ACACB: variants seen among roughly 807,000 people sequenced by gnomAD.
The protein encoded by ACACB is acetyl-CoA carboxylase beta.
In ACACB, 209 loss-of-function variants were observed where a neutral mutation model predicts 278.8. The observed-to-expected ratio is 0.75, with a 90% CI of 0.67 to 0.84. ACACB has a LOEUF of 0.84. ACACB is among the 40% of genes least tolerant of loss of function. The probability of loss-of-function intolerance (pLI) is 0.00; values close to 1 mark genes in which losing one functional copy is unlikely to be tolerated. For missense variants in ACACB, 2,850 were observed against 3,269.0 expected, an observed-to-expected ratio of 0.87 and a Z score of 3.13; for synonymous variants, 1,174 against 1,285.6, an observed-to-expected ratio of 0.91 and a Z score of 1.86.
At chr12:109,251,856 G>A (rs957198349) in intron 41 of ACACB, among the ~76,000 whole-genome samples, 190 bp from the exon 42 acceptor site, 14 of 152,164 alleles carry the variant, frequency 9.2e-5, no homozygotes, top group Admixed American at 8.5e-4. Flanking sequence ...TTTCCAGATA[G>A]GAATCCAAGC....
chr12:109,255,731 G>A (rs1330980902), intron 44 of ACACB, among the ~76,000 whole-genome samples: 1 of 152,218 alleles, frequency 6.6e-6, no homozygotes, highest in Non-Finnish European at 1.5e-5. Context: ...TGGTTATGAA[G>A]CTGCAGCCAG....
At chr12:109,148,820 G>T (rs1244966331) in intron 2 of ACACB, among the ~76,000 whole-genome samples, 1 of 152,130 alleles carries the variant, frequency 6.6e-6, no homozygotes, top group Non-Finnish European at 1.5e-5. Context: ...GTATGTGTTT[G>T]TATGTGTGTG....
At chr12:109,223,065 G>T (rs112389937) in intron 26 of ACACB, among the ~76,000 whole-genome samples, 153 bp downstream of exon 26, 2 of 152,146 alleles carry the variant, frequency 1.3e-5, no homozygotes, top group African/African-American at 4.8e-5. Flanking sequence ...TGTGGCCAGG[G>T]CTGCCCGAGG....
At position 109,179,221 on chromosome 12, in the gene ACACB, A is replaced by G; in HGVS notation, c.1571A>G (p.Gln524Arg). Residue 524 changes from glutamine to arginine, a missense_variant, in exon 10 of 53, where the codon CAG (glutamine) becomes CGG (arginine). By Grantham distance (43) the Gln-to-Arg change is conservative. Transcript: ENST00000338432. ...CTGTTTGGTCGCGACTGCTCCATCC[A>G]GCGGCGGCATCAGAAGATCGTTGAG... ...VSLFGRDCSIQRRHQKIVEEA... is the reference protein window; with the variant it reads ...VSLFGRDCSIRRRHQKIVEEA... 1 of 1,614,144 alleles carries G rather than the reference A, an allele frequency of 6.2e-7. No homozygotes were observed. The highest frequency in any genetic ancestry group is 8.5e-7 in the Non-Finnish European group (1 of 1,180,028).
In ACACB at chr12:109,166,669, AAAAAAAAAC is replaced by A. The variant is rs1156681496; in HGVS notation, c.654-191_654-183del. Among the ~76,000 whole-genome samples the A allele has an allele frequency of 4.1e-4, 60 of 145,224 alleles. 6 individuals carry two copies. Among genetic ancestry groups the A allele is most frequent in the Non-Finnish European group, 7.9e-4 (52 of 65,980 alleles). The stretch of plus-strand genomic sequence containing the variant: ...CGTCTCAAAAAAAAAAAAAAAAAAA[AAAAAAAAAC>A]CGAAGGTGCTTCCTGCCCTTGAGCC... On this transcript the variant is annotated intron_variant, in intron 2 of 52. Coordinates refer to ENST00000338432, the MANE Select transcript of ACACB (RefSeq NM_001093.4).
At chr12:109,208,326 C>T (rs1246151689) in intron 20 of ACACB, among the ~76,000 whole-genome samples, 1 of 151,802 alleles carries the variant, frequency 6.6e-6, no homozygotes, top group Non-Finnish European at 1.5e-5. Flanking sequence ...AGCAATCATC[C>T]CACTTCAGCC....
chr12:109,127,110 C>T (rs1654871), intron 1 of ACACB, among the ~76,000 whole-genome samples: 15,200 of 152,166 alleles, frequency 0.1, 1,387 homozygotes, highest in African/African-American at 0.24. Context: ...TTTTCAGGCT[C>T]TGATTCCACC....
At chr12:109,216,299 G>A (rs1258011320) in intron 22 of ACACB, among the ~76,000 whole-genome samples, 4 of 144,394 alleles carry the variant, frequency 2.8e-5, no homozygotes, top group Admixed American at 7.3e-5. Context: ...TCGGCTCACT[G>A]CAACCTCCTC....
At chr12:109,139,373 A>G (rs376458298) in intron 1 of ACACB, 24 bp from the exon 2 acceptor site, 128 of 1,581,114 alleles carry the variant, frequency 8.1e-5, no homozygotes, top group Non-Finnish European at 1.1e-4. Flanking sequence ...AAATCCTAAA[A>G]TGTCTCTCCT....
At chr12:109,228,533 C>T (rs1442460116) in intron 28 of ACACB, among the ~76,000 whole-genome samples, 1 of 150,830 alleles carries the variant, frequency 6.6e-6, no homozygotes, top group Non-Finnish European at 1.5e-5. Flanking sequence ...TGGCACACCC[C>T]TGTAATCCCA....
At chr12:109,250,186 A>C in intron 41 of ACACB, 82 bp downstream of exon 41, 1 of 1,409,526 alleles carries the variant, frequency 7.1e-7, no homozygotes, top group Middle Eastern at 2.6e-4. Context: ...GAGAGAATCA[A>C]TAATAAGCCC....
At chr12:109,264,466 C>T (rs1414967212) in intron 50 of ACACB, 80 bp downstream of exon 50, 12 of 687,276 alleles carry the variant, frequency 1.7e-5, no homozygotes, top group South Asian at 8.8e-5. Flanking sequence ...GGCTCGGGGG[C>T]GGGGAGGGCG....
At chr12:109,210,020 C>CACGT (rs2045669796) in intron 21 of ACACB, among the ~76,000 whole-genome samples, 3 of 106,874 alleles carry the variant, frequency 2.8e-5, no homozygotes, top group Admixed American at 1.7e-4. Flanking sequence ...TATATACACA[C>CACGT]GTGTGTATAT....
chr12:109,246,943 G>A (rs1162768058), intron 39 of ACACB, among the ~76,000 whole-genome samples: 1 of 152,138 alleles, frequency 6.6e-6, no homozygotes, highest in Non-Finnish European at 1.5e-5. Context: ...GCATGATGGT[G>A]CCTGCCTGTA....
chr12:109,179,357 G>C, intron 10 of ACACB, 60 bp downstream of exon 10: 1 of 1,542,476 alleles, frequency 6.5e-7, no homozygotes, highest in Non-Finnish European at 8.8e-7. Context: ...TCAGAGTCAG[G>C]AAGAACTTTC....
chr12:109,240,083 C>A, intron 35 of ACACB, 98 bp downstream of exon 35: 1 of 1,424,234 alleles, frequency 7.0e-7, no homozygotes, highest in South Asian at 1.4e-5. Flanking sequence ...GACCTGGGTT[C>A]CAGGATGAAA....
intron 47 of ACACB, 118 bp from the exon 48 acceptor site, chr12:109,260,362 T>C: frequency 1.5e-6 from 2 of 1,320,850 alleles, no homozygotes; most frequent in Middle Eastern, 2.3e-4. Context: ...CCCAGCCCAG[T>C]GCTCTCCAAG....
chr12:109,260,737 G>C, intron 48 of ACACB, 80 bp downstream of exon 48: 2 of 1,354,600 alleles, frequency 1.5e-6, no homozygotes, highest in South Asian at 4.0e-5. Context: ...GGAGATCATG[G>C]AGGGATGCAG....
At chr12:109,255,542 C>T (rs566998399) in intron 44 of ACACB, among the ~76,000 whole-genome samples, 6 of 152,324 alleles carry the variant, frequency 3.9e-5, no homozygotes, top group South Asian at 4.1e-4. Flanking sequence ...GCCTGGGTGC[C>T]GGGCCTCCCA....
Sources: allele counts gnomAD v4.1 joint callset (sites outside exome capture counted in the v4.1 genomes callset), GRCh38; gene constraint gnomAD v4.1.1; transcripts MANE v1.5; gene names NCBI Gene and HGNC (gene_info 2026-07-23, HGNC 2026-07-21).